Variants in CBFA2T2 observed in about 807,000 individuals in gnomAD.
The protein encoded by CBFA2T2 is CBFA2/RUNX1 partner transcriptional co-repressor 2.
In CBFA2T2, 11 loss-of-function variants were observed where a neutral mutation model predicts 62.2. The observed-to-expected ratio is 0.18, with a 90% CI of 0.11 to 0.29. The LOEUF (loss-of-function observed/expected upper bound fraction) is 0.29, where lower values mean the gene tolerates loss of function less well. Ranked by LOEUF, CBFA2T2 falls within the 10% of genes least tolerant of loss-of-function variation. CBFA2T2 has a pLI of 1.00. For missense variants in CBFA2T2, 592 were observed against 774.1 expected (o/e 0.76, Z 2.79); for synonymous variants, 295 against 287.5 (o/e 1.03, Z -0.27).
chr20:33,502,503 T>C (rs1216790038), intron 1 of CBFA2T2, among the ~76,000 whole-genome samples: 1 of 151,346 alleles, frequency 6.6e-6, no homozygotes, highest in Non-Finnish European at 1.5e-5. Flanking sequence ...GCCTCCCGGG[T>C]TCACGCCATT....
chr20:33,610,129 T>A (rs947097999), intron 2 of CBFA2T2, among the ~76,000 whole-genome samples: 5 of 151,964 alleles, frequency 3.3e-5, no homozygotes, highest in Admixed American at 6.6e-5. Flanking sequence ...CAAAAAATTT[T>A]AAAAAAAGAA....
intron 3 of CBFA2T2, among the ~76,000 whole-genome samples, chr20:33,614,181 G>A (rs1258136143): frequency 6.6e-6 from 1 of 151,730 alleles, no homozygotes; most frequent in East Asian, 1.9e-4. Context: ...AGTATATGTA[G>A]GTGTGTCCAA....
At chr20:33,637,761 C>T (rs1397435490) in intron 9 of CBFA2T2, among the ~76,000 whole-genome samples, 3 of 150,814 alleles carry the variant, frequency 2.0e-5, no homozygotes, top group South Asian at 2.1e-4. Flanking sequence ...TCCGCCTCCC[C>T]GGTTCAAGCT....
In CBFA2T2 at chr20:33,649,428, G is replaced by A. The variant is rs149935379; in HGVS notation, c.*4782G>A. ...GACGTGCTCATTTCCAAAGATGATG[G>A]TGCAGGTGACCTTTTCCATCGTGAG... On this transcript the variant is annotated 3_prime_UTR_variant, in exon 11 of 11. Coordinates refer to ENST00000342704, the MANE Select transcript of CBFA2T2 (RefSeq NM_001032999.3). The A allele has an allele frequency of 6.6e-6, 1 of 152,658 alleles. No individual in the cohort carries two copies. The highest frequency in any genetic ancestry group is 1.5e-5 in the Non-Finnish European group (1 of 68,048). 9.5% of individuals were successfully genotyped at this position (152,658 alleles called of 1,614,324 possible). A position where few individuals can be genotyped will look rare whatever the true frequency, so the allele number is the denominator to read the frequency against.
At chr20:33,521,928 A>C (rs1176937865) in intron 1 of CBFA2T2, among the ~76,000 whole-genome samples, 2 of 151,910 alleles carry the variant, frequency 1.3e-5, no homozygotes, top group Non-Finnish European at 2.9e-5. Context: ...TAGTTACTTG[A>C]AGATATTTCC....
intron 1 of CBFA2T2, among the ~76,000 whole-genome samples, chr20:33,530,171 T>C (rs1354200117): frequency 1.3e-5 from 2 of 152,164 alleles, no homozygotes; most frequent in African/African-American, 4.8e-5. Flanking sequence ...GTGATCCTCC[T>C]GCCATGGCCT....
chr20:33,537,847 T>C (rs533080848), intron 1 of CBFA2T2, among the ~76,000 whole-genome samples: 10 of 152,310 alleles, frequency 6.6e-5, no homozygotes, highest in African/African-American at 2.2e-4. Context: ...ATTGATATGT[T>C]TACCTTATCT....
chr20:33,631,466 C>G (rs1179352496), intron 8 of CBFA2T2, among the ~76,000 whole-genome samples: 4 of 152,222 alleles, frequency 2.6e-5, no homozygotes, highest in African/African-American at 9.7e-5. Flanking sequence ...ATACCTCATT[C>G]ATCAGTGAGT....
At chr20:33,537,112 G>A (rs1216213328) in intron 1 of CBFA2T2, among the ~76,000 whole-genome samples, 2 of 152,304 alleles carry the variant, frequency 1.3e-5, no homozygotes, top group South Asian at 4.1e-4. Flanking sequence ...CTGCAATCTC[G>A]GCACTTTGGG....
At chr20:33,501,883 G>A (rs2011290272) in intron 1 of CBFA2T2, among the ~76,000 whole-genome samples, 3 of 151,682 alleles carry the variant, frequency 2.0e-5, no homozygotes, top group South Asian at 4.2e-4. Context: ...CAGGTGATTC[G>A]CCTGAGTCAG....
chr20:33,548,127 A>AAG lies in CBFA2T2; in HGVS notation c.34+57827_34+57828insGA, dbSNP rs2012632062. Among the ~76,000 whole-genome samples, 4 of 152,124 alleles carry AAG rather than the reference A, an allele frequency of 2.6e-5. No individual in the cohort carries two copies. In the South Asian group the frequency reaches 8.3e-4, roughly 32 times the overall value. Reference sequence around the variant, plus strand: ...CAGTATATAAAGTTGGAAATTATACAAAGAAGGCAGGATCTCTAGATTATT... The same window carrying AAG: ...CAGTATATAAAGTTGGAAATTATACAAGAAGAAGGCAGGATCTCTAGATTATT... On this transcript the variant is annotated intron_variant, in intron 1 of 10. Coordinates refer to ENST00000342704, the MANE Select transcript of CBFA2T2 (RefSeq NM_001032999.3).
intron 1 of CBFA2T2, among the ~76,000 whole-genome samples, chr20:33,511,449 T>C (rs1338624484): frequency 1.3e-5 from 2 of 152,152 alleles, no homozygotes; most frequent in East Asian, 3.8e-4. Flanking sequence ...TGGTTGTAGA[T>C]GTGTGGTTTT....
At chr20:33,512,894 A>T (rs141589198) in intron 1 of CBFA2T2, among the ~76,000 whole-genome samples, 15 of 151,986 alleles carry the variant, frequency 9.9e-5, no homozygotes, top group African/African-American at 2.7e-4. Context: ...TTGGGACTAC[A>T]GGCTCCTGCC....
intron 1 of CBFA2T2, among the ~76,000 whole-genome samples, chr20:33,502,466 GC>G (rs202012391): frequency 1.2e-3 from 178 of 151,848 alleles, no homozygotes; most frequent in African/African-American, 4.1e-3. Context: ...GAGTGCAGTG[GC>G]CCGATCTCGG....
In CBFA2T2 at chr20:33,596,746, C is replaced by T. The variant is rs140959917; in HGVS notation, c.35-10210C>T. Among the ~76,000 whole-genome samples, 55 of 152,226 alleles carry T rather than the reference C, an allele frequency of 3.6e-4. 1 individual carries two copies. The East Asian group carries it at 0.01, about 28-fold the overall frequency. ...GGCCTCAGCTCCACACTTTTATATC[C>T]AGCTGCTTATCCAGCATTTCTGTTA... On this transcript the variant is annotated intron_variant, in intron 1 of 10. Transcript: ENST00000342704.
rs1601053174 is a variant in CBFA2T2, at chr20:33,606,838, A to C, written c.35-118A>C. The C allele has an allele frequency of 5.7e-6, 5 of 877,304 alleles. No homozygotes were observed. In the East Asian group the frequency reaches 1.3e-4, roughly 22 times the overall value. The allele number at this position is 877,304 out of a possible 1,614,324, so 54.3% of individuals were successfully genotyped here. The stretch of plus-strand genomic sequence containing the variant: ...ATGTGGACATATCTTTTAGGGGGTC[A>C]CTATTCAGCCTATTATACCAAGCAG... On this transcript the variant is annotated intron_variant, in intron 1 of 10. Coordinates refer to ENST00000342704, the MANE Select transcript of CBFA2T2 (RefSeq NM_001032999.3).
intron 1 of CBFA2T2, among the ~76,000 whole-genome samples, chr20:33,551,171 T>C (rs1276695438): frequency 6.6e-6 from 1 of 152,060 alleles, no homozygotes; most frequent in Admixed American, 6.6e-5. Context: ...AATTAACTGT[T>C]GGTTTATTCC....
chr20:33,641,867 C>CT (rs770790247), intron 10 of CBFA2T2, among the ~76,000 whole-genome samples: 1,440 of 135,702 alleles, frequency 0.011, 7 homozygotes, highest in African/African-American at 0.03. Flanking sequence ...TACAGATGGG[C>CT]TTTTTTTTTT....
intron 1 of CBFA2T2, among the ~76,000 whole-genome samples, chr20:33,513,181 CT>C (rs1268550000): frequency 6.6e-6 from 1 of 152,144 alleles, no homozygotes. Flanking sequence ...TCAGCCAATG[CT>C]TGCATCAGCA....
Sources: gnomAD v4.1 joint callset for allele counts (sites outside exome capture counted in the v4.1 genomes callset) on GRCh38, gnomAD v4.1.1 for gene constraint, MANE v1.5 for transcripts, NCBI Gene and HGNC (gene_info 2026-07-23, HGNC 2026-07-21) for gene names.